SYNJ1: variants seen among roughly 807,000 people sequenced by gnomAD.
SYNJ1 encodes the protein polyphosphatidylinositol phosphatase SYNJ1.
A neutral mutation model predicts 168.2 loss-of-function variants in SYNJ1; 78 were observed. The observed-to-expected ratio is 0.46, with a 90% CI of 0.39 to 0.56. The LOEUF (loss-of-function observed/expected upper bound fraction) is 0.56. Among genes scored for constraint, SYNJ1 ranks in the 20% least tolerant of loss-of-function variants. SYNJ1 has a pLI of 0.00. For missense variants in SYNJ1, 1,303 were observed against 1,597.6 expected (o/e 0.82, Z 3.14); for synonymous variants, 539 against 548.6 (o/e 0.98, Z 0.24).
In SYNJ1 at chr21:32,631,579, G is replaced by T. The variant is rs2039329603; in HGVS notation, c.*226C>A. ...TTTTCCTGGGATTGACTCCGAGCTG[G>T]AATTGGAGGCATTGTTGGCATGCAA... On this transcript the variant is annotated 3_prime_UTR_variant, in exon 33 of 33. Transcript: ENST00000674351. The T allele has an allele frequency of 6.2e-7, 1 of 1,613,854 alleles. No homozygotes were observed. Among genetic ancestry groups the T allele is most frequent in the Non-Finnish European group, 8.5e-7 (1 of 1,180,010 alleles).
At chr21:32,728,250 G>A, upstream of SYNJ1, 1 of 579,866 alleles carries the variant, frequency 1.7e-6, no homozygotes, top group Non-Finnish European at 2.9e-6. Context: ...GGAAGATCTG[G>A]CCTCCTTGGT....
rs2040486430 is a variant in SYNJ1 at position 32,657,050 on chromosome 21, G to A, written c.2532C>T (p.Gly844=). 1 of 1,614,170 alleles carries A rather than the reference G, an allele frequency of 6.2e-7. No homozygotes were observed. Among genetic ancestry groups the A allele is most frequent in the Non-Finnish European group, 8.5e-7 (1 of 1,180,044 alleles). The change falls in exon 20 of 33, where the codon GGC becomes GGT. Residue 844 remains glycine (G), a synonymous_variant. Transcript: ENST00000674351. The part of the protein sequence containing the change: ...ESKILYTWTP[G]TLLHYGRAEL... Reference sequence around the variant, plus strand: ...CAGCTCTTCCATAGTGCAGCAAAGTGCCTGGAGTCCACGTGTACAGAATTT... The same window carrying A: ...CAGCTCTTCCATAGTGCAGCAAAGTACCTGGAGTCCACGTGTACAGAATTT...
At chr21:32,706,586 A>T (rs2042618629) in intron 2 of SYNJ1, among the ~76,000 whole-genome samples, 1 of 152,114 alleles carries the variant, frequency 6.6e-6, no homozygotes, top group Non-Finnish European at 1.5e-5. Context: ...GCAAAATTAA[A>T]ATTTTTTCAA....
chr21:32,645,433 G>A (rs2040018050), intron 25 of SYNJ1, among the ~76,000 whole-genome samples: 1 of 152,156 alleles, frequency 6.6e-6, no homozygotes, highest in African/African-American at 2.4e-5. Context: ...GCAGCTAAAG[G>A]CAGCTGTGAA....
chr21:32,641,484 C>G (rs1012473850), intron 29 of SYNJ1, among the ~76,000 whole-genome samples: 3 of 151,930 alleles, frequency 2.0e-5, no homozygotes, highest in African/African-American at 7.3e-5. Flanking sequence ...AGAAAAAAAC[C>G]TTTAGAACCA....
At position 32,710,400 on chromosome 21, in the gene SYNJ1, G is replaced by A. The variant is rs188696178; in HGVS notation, c.125-8353C>T. 2.1e-3 allele frequency among the ~76,000 whole-genome samples: 321 copies of A among 152,270 alleles called. 2 individuals carry two copies. The Middle Eastern group carries it at 0.027, about 13-fold the overall frequency. On this transcript the variant is annotated intron_variant, in intron 2 of 32. Coordinates refer to ENST00000674351, the MANE Select transcript of SYNJ1 (RefSeq NM_203446.3). Reference sequence around the variant, plus strand: ...CTATTGGATAAATTCAGAAAGGAGAGAGATAACTCTGGCCAATTATCTTGA... The same window carrying A: ...CTATTGGATAAATTCAGAAAGGAGAAAGATAACTCTGGCCAATTATCTTGA...
Position 32,645,709 on chromosome 21 carries a change from G to A in SYNJ1, c.3328C>T (p.Pro1110Ser). Residue 1110 changes from proline (P) to serine (S), a missense_variant, in exon 25 of 33, where the codon CCG becomes TCG. Around this residue, in one of 2 missense-constraint regions of SYNJ1, gnomAD observed 383 missense variants for 388.8 expected, o/e 0.99. Transcript: ENST00000674351. ...AQPLEPKRPP[P>S]PRPVAPPTRP... ...GTGGGAGGGGCGACCGGGCGGGGCG[G>A]CGGCGGCCGCTTGGGCTCCAAGGGC... is the stretch of plus-strand genomic sequence containing the variant. 6.8e-7 allele frequency: 1 copy of A among 1,476,894 alleles called. No homozygotes were observed. Among genetic ancestry groups the A allele is most frequent in the East Asian group, 2.4e-5 (1 of 40,862 alleles). The allele number at this position is 1,476,894 out of a possible 1,614,324, so 91.5% of individuals were successfully genotyped here. A position where few individuals can be genotyped will look rare whatever the true frequency, so the allele number is the denominator to read the frequency against.
At chr21:32,712,863 G>A (rs995488502) in intron 2 of SYNJ1, among the ~76,000 whole-genome samples, 12 of 152,088 alleles carry the variant, frequency 7.9e-5, no homozygotes, top group Non-Finnish European at 1.5e-4. Context: ...CCAAATAAAC[G>A]GTGGAGATAA....
At chr21:32,712,905 G>C (rs1822276988) in intron 2 of SYNJ1, among the ~76,000 whole-genome samples, 1 of 152,144 alleles carries the variant, frequency 6.6e-6, no homozygotes, top group Admixed American at 6.5e-5. Flanking sequence ...TATATACTGT[G>C]ATCCAGCAAT....
At chr21:32,645,181 CTAT>C (rs1174716754) in intron 25 of SYNJ1, among the ~76,000 whole-genome samples, 175 bp from the exon 26 acceptor site, 1 of 152,106 alleles carries the variant, frequency 6.6e-6, no homozygotes, top group Non-Finnish European at 1.5e-5. Flanking sequence ...AGTAACAGCA[CTAT>C]ATTTAATTTA....
intron 2 of SYNJ1, among the ~76,000 whole-genome samples, chr21:32,702,672 A>G (rs2042449297): frequency 6.6e-6 from 1 of 152,232 alleles, no homozygotes; most frequent in Non-Finnish European, 1.5e-5. Flanking sequence ...AAATACAAAT[A>G]ATACATCCCA....
chr21:32,714,989 G>A (rs1224581056), intron 2 of SYNJ1, among the ~76,000 whole-genome samples: 1 of 152,034 alleles, frequency 6.6e-6, no homozygotes, highest in East Asian at 1.9e-4. Flanking sequence ...TCAATCCTAC[G>A]TCACTTTGCC....
chr21:32,657,660 C>G, intron 19 of SYNJ1, 56 bp downstream of exon 19: 2 of 1,475,864 alleles, frequency 1.4e-6, no homozygotes, highest in Non-Finnish European at 1.8e-6. Context: ...ATGTCATTCC[C>G]TGCTTCCTCA....
intron 13 of SYNJ1, among the ~76,000 whole-genome samples, chr21:32,675,120 T>A (rs1255452761): frequency 6.6e-6 from 1 of 152,226 alleles, no homozygotes; most frequent in Admixed American, 6.5e-5. Context: ...TTATGGTTTA[T>A]CATTGCTCTT....
chr21:32,683,505 T>C (rs2041703381), intron 10 of SYNJ1, among the ~76,000 whole-genome samples: 1 of 151,934 alleles, frequency 6.6e-6, no homozygotes, highest in East Asian at 1.9e-4. Flanking sequence ...AGAAGTTGAA[T>C]TGCATTCATT....
chr21:32,661,301 AAGGCCCCACGGTTCCACCC>A (rs1278376123), intron 18 of SYNJ1, among the ~76,000 whole-genome samples: 1 of 152,190 alleles, frequency 6.6e-6, no homozygotes, highest in Non-Finnish European at 1.5e-5. Flanking sequence ...AATGTGAGGC[AAGGCCCCACGGTTCCACCC>A]AGCATACAAG....
intron 21 of SYNJ1, chr21:32,653,625 T>C: frequency 2.7e-6 from 1 of 370,056 alleles, no homozygotes; most frequent in Non-Finnish European, 5.0e-6. Context: ...TGATCACTGC[T>C]AATCCAGTCC....
intron 21 of SYNJ1, 132 bp downstream of exon 21, chr21:32,656,555 C>G (rs2040462686): frequency 1.4e-6 from 1 of 707,582 alleles, no homozygotes. Context: ...AATAAAAATA[C>G]TCATATACTA....
At chr21:32,703,720 G>A (rs1252065958) in intron 2 of SYNJ1, among the ~76,000 whole-genome samples, 2 of 151,690 alleles carry the variant, frequency 1.3e-5, no homozygotes, top group East Asian at 3.9e-4. Context: ...AGAAAATATA[G>A]TTTTATTTTT....
Sources: allele counts gnomAD v4.1 joint callset (sites outside exome capture counted in the v4.1 genomes callset), GRCh38; gene constraint gnomAD v4.1.1; regional missense constraint gnomAD v4.1.1; transcripts MANE v1.5; gene names NCBI Gene and HGNC (gene_info 2026-07-23, HGNC 2026-07-21).